NOL10: variants seen among roughly 807,000 people sequenced by gnomAD.
NOL10 encodes H_NH0074G24.1.
NOL10 carries 58 observed loss-of-function variants against 103.5 expected under a neutral mutation model. The ratio of observed to expected loss-of-function variants is 0.56; its 90% confidence interval spans 0.45 to 0.70. NOL10 has a LOEUF of 0.70. Ranked by LOEUF, NOL10 falls within the 30% of genes least tolerant of loss-of-function variation. The probability of loss-of-function intolerance (pLI) is 0.00; values close to 1 mark genes in which losing one functional copy is unlikely to be tolerated. For missense variants in NOL10, 763 were observed against 807.3 expected (o/e 0.95, Z 0.67); for synonymous variants, 287 against 282.5 (o/e 1.02, Z -0.16).
chr2:10,608,952 T>C (rs188100275), intron 13 of NOL10, among the ~76,000 whole-genome samples: 3 of 152,238 alleles, frequency 2.0e-5, no homozygotes, highest in Admixed American at 1.3e-4. Flanking sequence ...ACTCCAACCA[T>C]AAAAGACAAA....
rs761539229 is a variant in NOL10 at position 10,673,575 on chromosome 2, G to A, written c.290-18C>T. The stretch of plus-strand genomic sequence containing the variant: ...GGTGACAACTGAAAAACAAGAAATA[G>A]GAAAAATACAATTATCAAACAATAT... On this transcript the variant is annotated intron_variant, in intron 4 of 20. Coordinates refer to ENST00000381685, the MANE Select transcript of NOL10 (RefSeq NM_024894.4). 6 of 1,526,332 alleles carry A rather than the reference G, an allele frequency of 3.9e-6. No individual in the cohort carries two copies. The highest frequency in any genetic ancestry group is 1.8e-5 in the Admixed American group (1 of 55,560). The allele number at this position is 1,526,332 out of a possible 1,614,324, so 94.5% of individuals were successfully genotyped here.
At chr2:10,638,320 GACGTGACGTGACGTAACGTAACGTA>G (rs1558311231) in intron 13 of NOL10, among the ~76,000 whole-genome samples, 1 of 126,968 alleles carries the variant, frequency 7.9e-6, no homozygotes, top group African/African-American at 4.3e-5. Context: ...GACGTGACGT[GACGTGACGTGACGTAACGTAACGTA>G]ACGTAACGTA....
At chr2:10,626,580 G>A (rs544952024) in intron 13 of NOL10, among the ~76,000 whole-genome samples, 9 of 151,816 alleles carry the variant, frequency 5.9e-5, no homozygotes, top group African/African-American at 1.9e-4. Context: ...TAAAGACATC[G>A]CCACCTAAGT....
chr2:10,636,808 C>T (rs1056688882), intron 13 of NOL10, among the ~76,000 whole-genome samples: 7 of 152,152 alleles, frequency 4.6e-5, no homozygotes, highest in Non-Finnish European at 1.0e-4. Flanking sequence ...TAACAGACAA[C>T]AGTCATTGAC....
chr2:10,602,978 C>A (rs766065480), intron 15 of NOL10, 100 bp downstream of exon 15: 5 of 1,228,722 alleles, frequency 4.1e-6, no homozygotes, highest in Non-Finnish European at 5.9e-6. Context: ...AGATCCCCTA[C>A]AAATCCTATG....
chr2:10,591,304 C>T (rs1188907265), intron 17 of NOL10, among the ~76,000 whole-genome samples: 1 of 152,002 alleles, frequency 6.6e-6, no homozygotes, highest in Non-Finnish European at 1.5e-5. Context: ...GAGGGCTGCT[C>T]GGTAGTGCTG....
Position 10,627,722 on chromosome 2 carries a change from C to T in NOL10, c.1026+16598G>A, listed in dbSNP as rs191103732. Among the ~76,000 whole-genome samples, 12 of 148,884 alleles carry T rather than the reference C, an allele frequency of 8.1e-5. No individual in the cohort carries two copies. In the East Asian group the frequency reaches 2.4e-3, roughly 30 times the overall value. On this transcript the variant is annotated intron_variant, in intron 13 of 20. Transcript: ENST00000381685. The stretch of plus-strand genomic sequence containing the variant: ...AACAAAAAAAAACAAACAACAACAA[C>T]AAAAAACACATCTTTTGGAGAGAGA...
intron 14 of NOL10, among the ~76,000 whole-genome samples, 195 bp from the exon 15 acceptor site, chr2:10,603,352 T>C (rs541834334): frequency 8.5e-5 from 13 of 152,338 alleles, no homozygotes; most frequent in African/African-American, 2.6e-4. Context: ...TTATTTTAAA[T>C]GTAATAATAC....
intron 13 of NOL10, among the ~76,000 whole-genome samples, chr2:10,617,006 G>GAA (rs70953324): frequency 5.3e-5 from 8 of 150,106 alleles, no homozygotes; most frequent in African/African-American, 1.7e-4. Context: ...GATACTCAGT[G>GAA]ACAAAACACA....
chr2:10,573,768 T>C (rs1162204518), intron 20 of NOL10, among the ~76,000 whole-genome samples: 5 of 152,198 alleles, frequency 3.3e-5, no homozygotes, highest in African/African-American at 4.8e-5. Flanking sequence ...AACTGTCTTT[T>C]CAAAGTAAAT....
chr2:10,607,170 C>A lies in NOL10; in HGVS notation c.1153+15G>T. 2.0e-6 allele frequency: 3 copies of A among 1,498,632 alleles called. No homozygotes were observed. The highest frequency in any genetic ancestry group is 9.0e-7 in the Non-Finnish European group (1 of 1,107,150). 92.8% of individuals were successfully genotyped at this position (1,498,632 alleles called of 1,614,324 possible). A position where few individuals can be genotyped will look rare whatever the true frequency, so the allele number is the denominator to read the frequency against. On this transcript the variant is annotated intron_variant, in intron 14 of 20. Coordinates refer to ENST00000381685, the MANE Select transcript of NOL10 (RefSeq NM_024894.4). ...AAAGTAATTACATAATATTTCATCA[C>A]AATTTTTTTTTTACCTAAATTTTCA...
At chr2:10,626,631 G>A (rs1429995876) in intron 13 of NOL10, among the ~76,000 whole-genome samples, 2 of 151,976 alleles carry the variant, frequency 1.3e-5, no homozygotes, top group Non-Finnish European at 1.5e-5. Flanking sequence ...GTTTAAGTCC[G>A]ACTATATCTC....
Position 10,664,716 on chromosome 2 carries a change from G to C in NOL10, c.592-1672C>G, listed in dbSNP as rs138885566. Among the ~76,000 whole-genome samples, 9 of 152,164 alleles carry C rather than the reference G, an allele frequency of 5.9e-5. No individual in the cohort carries two copies. In the East Asian group the frequency reaches 1.7e-3, roughly 29 times the overall value. ...ACGCCTGTCTAATTTTTGGATTTTTGGTAGAGAAGAGGTGTCGCCATGTTG... is the reference window on the plus strand; with the variant it reads ...ACGCCTGTCTAATTTTTGGATTTTTCGTAGAGAAGAGGTGTCGCCATGTTG... On this transcript the variant is annotated intron_variant, in intron 8 of 20. Transcript: ENST00000381685.
chr2:10,686,751 A>T (rs1310195178), intron 1 of NOL10, among the ~76,000 whole-genome samples: 1 of 152,090 alleles, frequency 6.6e-6, no homozygotes, highest in East Asian at 1.9e-4. Context: ...CAAAGAAACA[A>T]CAACAAAAAG....
intron 17 of NOL10, 65 bp downstream of exon 17, chr2:10,600,788 T>C: frequency 3.8e-6 from 4 of 1,063,992 alleles, no homozygotes; most frequent in Non-Finnish European, 5.6e-6. Flanking sequence ...AAAGAAACAA[T>C]AAAAAAGATG....
At chr2:10,586,786 A>G (rs1454679258) in intron 19 of NOL10, among the ~76,000 whole-genome samples, 2 of 151,868 alleles carry the variant, frequency 1.3e-5, no homozygotes, top group Non-Finnish European at 2.9e-5. Context: ...TCTTAATAAC[A>G]TTTGCTTTTC....
chr2:10,596,268 G>GGGGGGGGA (rs1553298216), intron 17 of NOL10, among the ~76,000 whole-genome samples: 1 of 81,386 alleles, frequency 1.2e-5, no homozygotes, highest in African/African-American at 7.5e-5. Context: ...GGGGGCGGGG[G>GGGGGGGGA]GCGGGCGCGA....
At chr2:10,641,766 T>C (rs962486557) in intron 13 of NOL10, among the ~76,000 whole-genome samples, 17 of 152,190 alleles carry the variant, frequency 1.1e-4, no homozygotes, top group African/African-American at 3.9e-4. Context: ...TTCAATTCTA[T>C]GCCCATGGCC....
rs144253835 is a variant in NOL10, at chr2:10,592,701, A to G, written c.1423-2950T>C. ...ATAGAGAAAATGTTACAAAGACTAC[A>G]TATGTTGCTGGTATTAAGATTTTTT... On this transcript the variant is annotated intron_variant, in intron 17 of 20. Coordinates refer to ENST00000381685, the MANE Select transcript of NOL10 (RefSeq NM_024894.4). Among the ~76,000 whole-genome samples, 4 of 152,346 alleles carry G rather than the reference A, an allele frequency of 2.6e-5. No homozygotes were observed. In the East Asian group the frequency reaches 5.8e-4, roughly 22 times the overall value.
Sources: allele counts gnomAD v4.1 joint callset (sites outside exome capture counted in the v4.1 genomes callset), GRCh38; gene constraint gnomAD v4.1.1; transcripts MANE v1.5; gene names NCBI Gene and HGNC (gene_info 2026-07-23, HGNC 2026-07-21).